Variants in LHFPL3 observed in about 807,000 individuals in gnomAD.
LHFPL3 encodes LHFPL tetraspan subfamily member 3 protein.
Under a neutral mutation model 19.3 loss-of-function variants are expected in LHFPL3, and 5 were observed. The ratio of observed to expected loss-of-function variants is 0.26; its 90% CI spans 0.14 to 0.54. The LOEUF is 0.54. LHFPL3 is among the 20% of genes least tolerant of loss of function. LHFPL3 has a pLI of 0.94. For synonymous variants in LHFPL3, 133 were observed against 126.2 expected (o/e 1.05, Z -0.36); for missense variants, 249 against 307.4 (o/e 0.81, Z 1.42).
At chr7:104,336,918 T>C (rs1789820374) in intron 1 of LHFPL3, among the ~76,000 whole-genome samples, 1 of 152,134 alleles carries the variant, frequency 6.6e-6, no homozygotes, top group African/African-American at 2.4e-5. Context: ...ACCTAAATAA[T>C]CAAGGGGGTT....
chr7:104,714,221 T>C (rs1285245513), intron 1 of LHFPL3, among the ~76,000 whole-genome samples: 1 of 152,212 alleles, frequency 6.6e-6, no homozygotes, highest in Non-Finnish European at 1.5e-5. Flanking sequence ...TCGTTTGTTG[T>C]TGTTGTTTTG....
Position 104,396,607 on chromosome 7 carries a change from C to G in LHFPL3, c.445+67383C>G, listed in dbSNP as rs775334850. ...CAGCCCATACCCTTCATTAGATTCT[C>G]CTGCATTTTTGCCATGAAATATGGT... On this transcript the variant is annotated intron_variant, in intron 1 of 2. Transcript: ENST00000424859. Among the ~76,000 whole-genome samples the G allele has an allele frequency of 1.5e-4, 22 of 149,714 alleles. 1 individual carries two copies. Among genetic ancestry groups the G allele is most frequent in the Non-Finnish European group, 2.9e-4 (20 of 67,830 alleles).
chr7:104,422,392 TTTC>T (rs1791751464), intron 1 of LHFPL3, among the ~76,000 whole-genome samples: 1 of 136,050 alleles, frequency 7.4e-6, no homozygotes, highest in African/African-American at 3.1e-5. Flanking sequence ...AGAACAAATA[TTTC>T]AGTTGTTTGT....
At position 104,872,471 on chromosome 7, in the gene LHFPL3, C is replaced by G. The variant is rs575902696; in HGVS notation, c.683-33716C>G. Among the ~76,000 whole-genome samples, 3 of 152,118 alleles carry G rather than the reference C, an allele frequency of 2.0e-5. No individual in the cohort carries two copies. In the East Asian group the frequency reaches 5.8e-4, roughly 29 times the overall value. ...ACTAGCCTGGCCAACATGGTGAAAC[C>G]CTGTCTCTATTAAAAATACACAAAA... is the stretch of plus-strand genomic sequence containing the variant. On this transcript the variant is annotated intron_variant, in intron 2 of 2. Transcript: ENST00000424859.
At chr7:104,716,637 G>A (rs541322961) in intron 1 of LHFPL3, among the ~76,000 whole-genome samples, 1 of 152,224 alleles carries the variant, frequency 6.6e-6, no homozygotes, top group South Asian at 2.1e-4. Flanking sequence ...ACACTTATAT[G>A]CTGAAAACCA....
At chr7:104,425,269 T>C (rs1304433459) in intron 1 of LHFPL3, among the ~76,000 whole-genome samples, 1 of 152,120 alleles carries the variant, frequency 6.6e-6, no homozygotes, top group Non-Finnish European at 1.5e-5. Flanking sequence ...CAGTTATTGA[T>C]AATGACAAAG....
chr7:104,688,390 A>G (rs1176583777), intron 1 of LHFPL3, among the ~76,000 whole-genome samples: 4 of 152,178 alleles, frequency 2.6e-5, no homozygotes, highest in African/African-American at 7.2e-5. Flanking sequence ...CTGACCTGCA[A>G]TGAAAGGGAA....
Position 104,343,166 on chromosome 7 carries a change from T to G in LHFPL3, c.445+13942T>G, listed in dbSNP as rs548874607. Among the ~76,000 whole-genome samples the G allele has an allele frequency of 1.8e-4, 28 of 152,150 alleles. No homozygotes were observed. The East Asian group carries it at 5.2e-3, about 28-fold the overall frequency. The stretch of plus-strand genomic sequence containing the variant: ...GATGACATGAGCAGTTCATTTGAAA[T>G]TTTTCCCCAAATGTGTTAAAGTATT... On this transcript the variant is annotated intron_variant, in intron 1 of 2. Coordinates refer to ENST00000424859, the MANE Select transcript of LHFPL3 (RefSeq NM_199000.3).
intron 1 of LHFPL3, among the ~76,000 whole-genome samples, chr7:104,378,196 C>T (rs769141366): frequency 6.6e-6 from 1 of 152,140 alleles, no homozygotes; most frequent in Non-Finnish European, 1.5e-5. Context: ...ATATTTCTAG[C>T]ACCCCTAACA....
intron 1 of LHFPL3, among the ~76,000 whole-genome samples, chr7:104,365,207 G>A (rs12539370): frequency 0.31 from 46,427 of 152,004 alleles, 7,630 homozygotes; most frequent in Admixed American, 0.43. Context: ...GCTGAGGCAG[G>A]AGAATTGCTT....
chr7:104,590,617 T>A (rs1790692395), intron 1 of LHFPL3, among the ~76,000 whole-genome samples: 1 of 152,180 alleles, frequency 6.6e-6, no homozygotes, highest in Admixed American at 6.5e-5. Flanking sequence ...GTTCTGTAAT[T>A]GTCTATTAGG....
At chr7:104,825,383 C>T (rs1382438847) in intron 2 of LHFPL3, among the ~76,000 whole-genome samples, 3 of 151,878 alleles carry the variant, frequency 2.0e-5, no homozygotes, top group African/African-American at 7.3e-5. Flanking sequence ...AGATCATGGA[C>T]TTGGGATCAG....
intron 1 of LHFPL3, among the ~76,000 whole-genome samples, chr7:104,475,463 G>A (rs2115633701): frequency 6.6e-6 from 1 of 152,090 alleles, no homozygotes; most frequent in Admixed American, 6.5e-5. Context: ...GGGGAAAATG[G>A]GGAGTTGTTC....
intron 2 of LHFPL3, among the ~76,000 whole-genome samples, chr7:104,889,460 T>C (rs1239672648): frequency 3.9e-5 from 6 of 152,104 alleles, no homozygotes; most frequent in African/African-American, 1.4e-4. Context: ...GCCAACAAGG[T>C]GAAACCCCAG....
At chr7:104,673,696 A>T (rs1253653259) in intron 1 of LHFPL3, among the ~76,000 whole-genome samples, 1 of 152,222 alleles carries the variant, frequency 6.6e-6, no homozygotes, top group Admixed American at 6.5e-5. Flanking sequence ...TTTGCCTGCT[A>T]GAGACTGTGA....
chr7:104,537,159 C>G (rs116467484), intron 1 of LHFPL3, among the ~76,000 whole-genome samples: 1,679 of 152,302 alleles, frequency 0.011, 26 homozygotes, highest in African/African-American at 0.038. Flanking sequence ...ATGGTTGGCT[C>G]TCATCACAGA....
At chr7:104,727,482 G>T (rs1793613228) in intron 1 of LHFPL3, among the ~76,000 whole-genome samples, 1 of 152,102 alleles carries the variant, frequency 6.6e-6, no homozygotes, top group African/African-American at 2.4e-5. Flanking sequence ...GTGGACCAAA[G>T]ACTCTTTCTT....
At chr7:104,701,724 A>C (rs1342808346) in intron 1 of LHFPL3, among the ~76,000 whole-genome samples, 1 of 152,126 alleles carries the variant, frequency 6.6e-6, no homozygotes, top group Non-Finnish European at 1.5e-5. Context: ...GAGGTTCTAT[A>C]ATTTTATAAT....
At chr7:104,721,200 A>C (rs1021599283) in intron 1 of LHFPL3, among the ~76,000 whole-genome samples, 3 of 152,200 alleles carry the variant, frequency 2.0e-5, no homozygotes, top group Non-Finnish European at 4.4e-5. Context: ...ATAGAATACT[A>C]TGCAGCCATA....
Sources: gnomAD v4.1 joint callset for allele counts (sites outside exome capture counted in the v4.1 genomes callset) on GRCh38, gnomAD v4.1.1 for gene constraint, MANE v1.5 for transcripts, NCBI Gene and HGNC (gene_info 2026-07-23, HGNC 2026-07-21) for gene names.